The following ZNF283 variants were observed in gnomAD, a reference collection of about 807,000 sequenced individuals.
ZNF283 encodes zinc finger protein 283, also known as zinc finger protein 41.
ZNF283 carries 10 observed loss-of-function variants against 9.2 expected under a neutral mutation model. That is an observed-to-expected ratio of 1.09 (90% CI 0.67 to 1.85). The LOEUF is 1.85. Among genes scored for constraint, ZNF283 ranks in the 40% most tolerant of loss-of-function variants. The probability of loss-of-function intolerance (pLI) is 0.00; values close to 1 mark genes in which losing one functional copy is unlikely to be tolerated. For synonymous variants in ZNF283, 234 were observed against 244.1 expected, an observed-to-expected ratio of 0.96 and a Z score of 0.38; for missense variants, 631 against 760.1, an observed-to-expected ratio of 0.83 and a Z score of 2.00.
intron 2 of ZNF283, among the ~76,000 whole-genome samples, chr19:43,829,456 TG>T (rs1970609866): frequency 6.6e-6 from 1 of 152,206 alleles, no homozygotes; most frequent in Non-Finnish European, 1.5e-5. Flanking sequence ...TGGCTCTGCC[TG>T]TTGGTAGCTG....
intron 5 of ZNF283, 58 bp from the exon 6 acceptor site, chr19:43,836,995 T>C: frequency 6.3e-7 from 1 of 1,597,144 alleles, no homozygotes; most frequent in East Asian, 2.2e-5. Context: ...ACCCTCTTTT[T>C]TCCTCTTGGA....
intron 3 of ZNF283, among the ~76,000 whole-genome samples, chr19:43,832,393 A>G (rs1392376466): frequency 6.6e-6 from 1 of 152,216 alleles, no homozygotes; most frequent in Non-Finnish European, 1.5e-5. Flanking sequence ...TAAACCACCA[A>G]TTTGTACAGA....
chr19:43,837,410 T>G lies in ZNF283; in HGVS notation c.337+231T>G, dbSNP rs1222704012. ...CGGGCCCTCCCTGCAATCACCTCTCTCCTTTAATGGCCAAGGGGCTGGATT... is the reference window on the plus strand; with the variant it reads ...CGGGCCCTCCCTGCAATCACCTCTCGCCTTTAATGGCCAAGGGGCTGGATT... On this transcript the variant is annotated intron_variant, in intron 6 of 6. Coordinates refer to ENST00000618787, the MANE Select transcript of ZNF283 (RefSeq NM_181845.2). 3 of 427,790 alleles carry G rather than the reference T, an allele frequency of 7.0e-6. No individual in the cohort carries two copies. The East Asian group carries it at 1.0e-4, about 15-fold the overall frequency. 26.5% of individuals were successfully genotyped at this position (427,790 alleles called of 1,614,324 possible). A position where few individuals can be genotyped will look rare whatever the true frequency, so the allele number is the denominator to read the frequency against.
At chr19:43,845,605 T>G (rs866925816) in intron 6 of ZNF283, among the ~76,000 whole-genome samples, 2 of 152,312 alleles carry the variant, frequency 1.3e-5, no homozygotes, top group Middle Eastern at 6.8e-3. Flanking sequence ...ATGAAAATTA[T>G]TTGACTCTTA....
intron 2 of ZNF283, among the ~76,000 whole-genome samples, chr19:43,830,871 C>G (rs574135755): frequency 2.8e-5 from 4 of 141,372 alleles, no homozygotes; most frequent in East Asian, 4.1e-4. Context: ...CCACTGCACT[C>G]CAGCCTGAGT....
chr19:43,847,485 A>G lies in ZNF283; in HGVS notation c.884A>G (p.Glu295Gly). 6.2e-7 allele frequency: 1 copy of G among 1,613,478 alleles called. No individual in the cohort carries two copies. The highest frequency in any genetic ancestry group is 8.5e-7 in the Non-Finnish European group (1 of 1,179,688). The change falls in exon 7 of 7, where the codon GAA becomes GGA. Residue 295 changes from glutamate to glycine, a missense_variant. Physicochemically the swap from Glu to Gly is moderately conservative, Grantham distance 98. Coordinates refer to ENST00000618787, the MANE Select transcript of ZNF283 (RefSeq NM_181845.2). The part of the protein sequence containing the change: ...HTGEKPYECK[E>G]CGKAFSRGYH... ...GGTGAGAAACCCTATGAATGTAAAGAATGTGGGAAGGCCTTTAGTCGTGGC... is the reference window on the plus strand; with the variant it reads ...GGTGAGAAACCCTATGAATGTAAAGGATGTGGGAAGGCCTTTAGTCGTGGC...
intron 2 of ZNF283, among the ~76,000 whole-genome samples, chr19:43,829,196 T>C (rs950329208): frequency 6.6e-6 from 1 of 152,000 alleles, no homozygotes; most frequent in Non-Finnish European, 1.5e-5. Context: ...ACATCCTGGC[T>C]AACACGGTGA....
intron 6 of ZNF283, among the ~76,000 whole-genome samples, chr19:43,844,533 G>A (rs1466004170): frequency 1.3e-5 from 2 of 152,132 alleles, no homozygotes; most frequent in Admixed American, 6.5e-5. Context: ...CTTTGTTTTG[G>A]TTATCCACAG....
intron 3 of ZNF283, among the ~76,000 whole-genome samples, chr19:43,832,702 T>A (rs893072925): frequency 6.6e-6 from 1 of 152,106 alleles, no homozygotes; most frequent in African/African-American, 2.4e-5. Flanking sequence ...GACAGTAACA[T>A]TCTTCATTTT....
At chr19:43,834,752 C>T (rs1329089724) in intron 4 of ZNF283, among the ~76,000 whole-genome samples, 6 of 151,856 alleles carry the variant, frequency 4.0e-5, no homozygotes, top group Admixed American at 3.3e-4. Context: ...CCTGCCACCA[C>T]GCCTGGCTAA....
chr19:43,844,469 T>C (rs1414542889), intron 6 of ZNF283, among the ~76,000 whole-genome samples: 3 of 152,238 alleles, frequency 2.0e-5, no homozygotes, highest in Admixed American at 6.5e-5. Flanking sequence ...AGTTCATAAT[T>C]GGTCACCTCC....
intron 6 of ZNF283, among the ~76,000 whole-genome samples, chr19:43,840,472 G>T (rs1180182149): frequency 6.6e-6 from 1 of 152,172 alleles, no homozygotes; most frequent in Non-Finnish European, 1.5e-5. Flanking sequence ...GAGCTGAGGA[G>T]TGAAGGAAGT....
In ZNF283 at chr19:43,847,807, C is replaced by T. The variant is rs777972698; in HGVS notation, c.1206C>T (p.Pro402=). Residue 402 remains proline, a synonymous_variant, in exon 7 of 7, where the codon CCC becomes CCT. Coordinates refer to ENST00000618787, the MANE Select transcript of ZNF283 (RefSeq NM_181845.2). ...RHQIFHTGEK[P]YECKECGKAF... ...AGATATTTCATACTGGTGAGAAACCCTATGAATGCAAGGAATGTGGGAAGG... is the reference window on the plus strand; with the variant it reads ...AGATATTTCATACTGGTGAGAAACCTTATGAATGCAAGGAATGTGGGAAGG... 267 of 1,611,840 alleles carry T rather than the reference C, an allele frequency of 1.7e-4. No individual in the cohort carries two copies. Among genetic ancestry groups the T allele is most frequent in the Non-Finnish European group, 2.2e-4 (262 of 1,179,410 alleles).
At chr19:43,838,778 C>T (rs1971084475) in intron 6 of ZNF283, among the ~76,000 whole-genome samples, 1 of 152,112 alleles carries the variant, frequency 6.6e-6, no homozygotes, top group Non-Finnish European at 1.5e-5. Flanking sequence ...AGTGGGAATC[C>T]TTTCATGATA....
chr19:43,843,370 C>T (rs1010248496), intron 6 of ZNF283, among the ~76,000 whole-genome samples: 1 of 152,132 alleles, frequency 6.6e-6, no homozygotes, highest in African/African-American at 2.4e-5. Flanking sequence ...GTTAAACCAA[C>T]TGCTTTTTTG....
chr19:43,837,748 C>T (rs1319771116), intron 6 of ZNF283: 2 of 152,272 alleles, frequency 1.3e-5, no homozygotes, highest in African/African-American at 4.8e-5. Context: ...AGTCGGGGAA[C>T]GCTTTCTTGA....
At chr19:43,845,110 G>C (rs1376861935) in intron 6 of ZNF283, among the ~76,000 whole-genome samples, 1 of 152,022 alleles carries the variant, frequency 6.6e-6, no homozygotes, top group Non-Finnish European at 1.5e-5. Context: ...ATTATTGCTG[G>C]GACAGGTACC....
In ZNF283 at chr19:43,833,489, T is replaced by TTTTC; in HGVS notation, c.1-13_1-12insCTTT. ...TCTTTCTTCTTTACCTATTTCTTTT[T>TTTTC]TTTTTTTTTTTTCAGATGGAGTCTC... On this transcript the variant is annotated splice_polypyrimidine_tract_variant and intron_variant, in intron 3 of 6. Coordinates refer to ENST00000618787, the MANE Select transcript of ZNF283 (RefSeq NM_181845.2). 4.2e-6 allele frequency: 1 copy of TTTTC among 237,612 alleles called. No homozygotes were observed. The highest frequency in any genetic ancestry group is 3.8e-5 in the South Asian group (1 of 26,286). 14.7% of individuals were successfully genotyped at this position (237,612 alleles called of 1,614,324 possible). A position where few individuals can be genotyped will look rare whatever the true frequency, so the allele number is the denominator to read the frequency against.
chr19:43,848,520 C>T lies in ZNF283; in HGVS notation c.1919C>T (p.Ser640Leu). 1 of 1,612,908 alleles carries T rather than the reference C, an allele frequency of 6.2e-7. No homozygotes were observed. Among genetic ancestry groups the T allele is most frequent in the East Asian group, 2.2e-5 (1 of 44,848 alleles). Residue 640 changes from serine (S) to leucine (L), a missense_variant, in exon 7 of 7, where the codon TCA becomes TTA. Transcript: ENST00000618787. ...TTCGGGAAGACCTTTACTTGTGGCT[C>T]AAAACTTGTTCATGAGAGAACTCAT... ...KEFGKTFTCGSKLVHERTHSN... is the reference protein window; with the variant it reads ...KEFGKTFTCGLKLVHERTHSN...
Sources: gnomAD v4.1 joint callset for allele counts (sites outside exome capture counted in the v4.1 genomes callset) on GRCh38, gnomAD v4.1.1 for gene constraint, MANE v1.5 for transcripts, NCBI Gene and HGNC (gene_info 2026-07-23, HGNC 2026-07-21) for gene names.